BLTP1: variants seen among roughly 807,000 people sequenced by gnomAD.
The protein encoded by BLTP1 is fragile site-associated protein.
At chr4:122,172,370 G>C in the BLTP1 span, 1 of 680,378 alleles carries the variant, frequency 1.5e-6, no homozygotes, top group African/African-American at 1.9e-5. Flanking sequence ...TTTGCCTTTT[G>C]TATATTCATG....
chr4:122,252,044 C>T, the BLTP1 span, among the ~76,000 whole-genome samples: 12 of 152,148 alleles, frequency 7.9e-5, no homozygotes, highest in Admixed American at 5.2e-4. Flanking sequence ...TAGACACACC[C>T]TAGGCCAGAA....
the BLTP1 span, chr4:122,287,735 G>A: frequency 1.0e-6 from 1 of 982,518 alleles, no homozygotes; most frequent in Non-Finnish European, 1.2e-6. Context: ...GCTTGCCCTG[G>A]AAGCTCTCTA....
the BLTP1 span, chr4:122,199,900 C>G: frequency 6.1e-6 from 6 of 978,206 alleles, no homozygotes; most frequent in Admixed American, 3.1e-4. Context: ...TGGATTGTTT[C>G]ATATTATAAA....
At chr4:122,331,592 C>T in the BLTP1 span, 14 of 1,555,316 alleles carry the variant, frequency 9.0e-6, no homozygotes, top group African/African-American at 4.1e-5. Flanking sequence ...ATTAGAAATA[C>T]TATTCATATA....
chr4:122,292,631 A>G, the BLTP1 span: 3 of 922,414 alleles, frequency 3.3e-6, no homozygotes, highest in South Asian at 1.5e-4. Flanking sequence ...AAATTGAAAA[A>G]GAATCTGCTT....
At chr4:122,164,511 C>T in the BLTP1 span, 4 of 686,052 alleles carry the variant, frequency 5.8e-6, no homozygotes, top group East Asian at 1.4e-4. Flanking sequence ...AGACTGTGTT[C>T]TATTAAGAGG....
the BLTP1 span, chr4:122,304,990 A>G: frequency 2.5e-5 from 40 of 1,612,220 alleles, no homozygotes; most frequent in Admixed American, 3.3e-5. Flanking sequence ...TCAGGTGAGT[A>G]CAGAATATGT....
chr4:122,319,071 A>G, the BLTP1 span, among the ~76,000 whole-genome samples: 1 of 152,118 alleles, frequency 6.6e-6, no homozygotes, highest in East Asian at 1.9e-4. Flanking sequence ...CTGTTGTTGT[A>G]TACCCTCCTT....
At chr4:122,331,569 T>C in the BLTP1 span, 1 of 1,596,910 alleles carries the variant, frequency 6.3e-7, no homozygotes, top group Non-Finnish European at 8.5e-7. Flanking sequence ...AAAGGATACA[T>C]GAAACTTTAT....
At chr4:122,200,988 T>C in the BLTP1 span, 1 of 1,596,570 alleles carries the variant, frequency 6.3e-7, no homozygotes, top group Non-Finnish European at 8.5e-7. Flanking sequence ...TAATTACTTT[T>C]ACCTAACATT....
At chr4:122,162,700 G>A in the BLTP1 span, 8 of 974,812 alleles carry the variant, frequency 8.2e-6, no homozygotes, top group Non-Finnish European at 9.7e-6. Context: ...GAGGAAAAGG[G>A]ACAGTAGAAG....
At chr4:122,265,864 A>AT in the BLTP1 span, among the ~76,000 whole-genome samples, 1 of 152,044 alleles carries the variant, frequency 6.6e-6, no homozygotes, top group African/African-American at 2.4e-5. Context: ...TGCCCAGCTA[A>AT]TTTTTTGTAT....
At chr4:122,249,948 C>T in the BLTP1 span, 1 of 980,998 alleles carries the variant, frequency 1.0e-6, no homozygotes, top group Non-Finnish European at 1.2e-6. Flanking sequence ...AAATATAAAG[C>T]CACCCAATTT....
At chr4:122,165,342 G>A in the BLTP1 span, among the ~76,000 whole-genome samples, 103 of 151,412 alleles carry the variant, frequency 6.8e-4, no homozygotes, top group East Asian at 4.7e-3. Flanking sequence ...TTGTCCTTGC[G>A]ATAGTTTGCT....
the BLTP1 span, chr4:122,266,984 T>C: frequency 7.6e-7 from 1 of 1,312,524 alleles, no homozygotes; most frequent in African/African-American, 1.5e-5. Flanking sequence ...TTGTGTATAA[T>C]TTTGTGCAAG....
At chr4:122,261,668 G>A in the BLTP1 span, 2 of 984,992 alleles carry the variant, frequency 2.0e-6, no homozygotes, top group Admixed American at 6.1e-5. Flanking sequence ...GAAGGTAGAA[G>A]TTAGGTAGAT....
chr4:122,318,487 T>G, the BLTP1 span, among the ~76,000 whole-genome samples: 2 of 152,208 alleles, frequency 1.3e-5, no homozygotes, highest in Admixed American at 6.6e-5. Flanking sequence ...ATACAGCTAG[T>G]AATCCTGGGG....
At chr4:122,320,965 A>G in the BLTP1 span, among the ~76,000 whole-genome samples, 1 of 140,790 alleles carries the variant, frequency 7.1e-6, no homozygotes, top group Admixed American at 7.0e-5. Context: ...TATCAGTTAC[A>G]CTTCTTTTTT....
the BLTP1 span, chr4:122,315,749 T>G: frequency 6.7e-7 from 1 of 1,503,368 alleles, no homozygotes; most frequent in East Asian, 2.3e-5. Context: ...CAGGGATATT[T>G]TTTGTTCAGT....
Sources: gnomAD v4.1 joint callset for allele counts (sites outside exome capture counted in the v4.1 genomes callset) on GRCh38, gnomAD v4.1.1 for gene constraint, MANE v1.5 for transcripts, NCBI Gene and HGNC (gene_info 2026-07-23, HGNC 2026-07-21) for gene names.